The following ANKRD30B variants were observed in gnomAD, a reference collection of about 807,000 sequenced individuals.
The protein encoded by ANKRD30B is ankyrin repeat domain-containing protein 30B.
ANKRD30B carries 144 observed loss-of-function variants against 202.2 expected under a neutral mutation model. That is an observed-to-expected ratio of 0.71 (90% CI 0.62 to 0.82). ANKRD30B has a LOEUF of 0.82. Ranked by LOEUF, ANKRD30B falls within the 40% of genes least tolerant of loss-of-function variation. The probability of loss-of-function intolerance (pLI) is 0.00; values close to 1 mark genes in which losing one functional copy is unlikely to be tolerated. For synonymous variants in ANKRD30B, 508 were observed against 561.3 expected (o/e 0.91, Z 1.34); for missense variants, 1,487 against 1,669.1 (o/e 0.89, Z 1.90).
At chr18:14,910,698 T>C in the ANKRD30B span, among the ~76,000 whole-genome samples, 1 of 152,082 alleles carries the variant, frequency 6.6e-6, no homozygotes, top group Non-Finnish European at 1.5e-5. Flanking sequence ...TTGAGAAATC[T>C]CCATTCTCTT....
chr18:14,808,491 T>C (rs1969686060), intron 24 of ANKRD30B, 60 bp from the exon 25 acceptor site: 2 of 1,327,538 alleles, frequency 1.5e-6, no homozygotes, highest in Non-Finnish European at 2.2e-6. Context: ...ATTGTACGAA[T>C]GCTTGGTAGG....
intron 1 of ANKRD30B, among the ~76,000 whole-genome samples, chr18:14,749,801 A>G (rs1281119143): frequency 1.3e-5 from 2 of 151,936 alleles, no homozygotes; most frequent in Non-Finnish European, 2.9e-5. Flanking sequence ...TTAGAACTTG[A>G]TAATGATCAC....
At chr18:14,869,168 G>C in the ANKRD30B span, among the ~76,000 whole-genome samples, 1 of 152,204 alleles carries the variant, frequency 6.6e-6, no homozygotes, top group African/African-American at 2.4e-5. Flanking sequence ...GCTTACCTGG[G>C]CTGTGTTTTC....
chr18:14,840,195 G>T (rs1414988935), intron 36 of ANKRD30B, among the ~76,000 whole-genome samples: 1 of 152,086 alleles, frequency 6.6e-6, no homozygotes, highest in Non-Finnish European at 1.5e-5. Flanking sequence ...TTTTAAAAAA[G>T]ATTTTTAATA....
chr18:14,909,887 A>G, the ANKRD30B span: 1 of 152,130 alleles, frequency 6.6e-6, no homozygotes, highest in Non-Finnish European at 1.5e-5. Context: ...CAGGTCAAGC[A>G]GTACCTGAGA....
At chr18:14,859,838 C>T in the ANKRD30B span, among the ~76,000 whole-genome samples, 4 of 57,472 alleles carry the variant, frequency 7.0e-5, no homozygotes, top group African/African-American at 2.8e-4. Flanking sequence ...GCGCTCTTCA[C>T]TTCCCAGATG....
rs73959405 is a variant in ANKRD30B at position 14,776,497 on chromosome 18, A to G, written c.1330-1488A>G. ...TGAGGAGTAAGCCATATGAAAGTCT[A>G]GGAGGAAGACATTCTGAACAGAGAA... On this transcript the variant is annotated intron_variant, in intron 9 of 43. Coordinates refer to ENST00000690538, the MANE Select transcript of ANKRD30B (RefSeq NM_001367607.2). 1.5e-3 allele frequency among the ~76,000 whole-genome samples: 223 copies of G among 152,314 alleles called. 1 individual carries two copies. The highest frequency in any genetic ancestry group is 5.1e-3 in the African/African-American group (210 of 41,570).
intron 34 of ANKRD30B, among the ~76,000 whole-genome samples, chr18:14,833,033 T>G (rs1436520847): frequency 6.6e-6 from 1 of 150,508 alleles, no homozygotes; most frequent in Non-Finnish European, 1.5e-5. Flanking sequence ...GCCTTCTTGG[T>G]TCAAGTAATT....
intron 16 of ANKRD30B, among the ~76,000 whole-genome samples, chr18:14,791,748 G>A (rs1045170740): frequency 6.6e-6 from 1 of 152,058 alleles, no homozygotes; most frequent in Admixed American, 6.5e-5. Context: ...AATAAGAAAG[G>A]AGAAAGTAGT....
the ANKRD30B span, among the ~76,000 whole-genome samples, chr18:14,875,300 A>G: frequency 1.3e-5 from 2 of 152,176 alleles, no homozygotes; most frequent in Admixed American, 1.3e-4. Flanking sequence ...TGGCCATGTC[A>G]GGAGGATGAT....
At chr18:14,919,610 G>A in the ANKRD30B span, among the ~76,000 whole-genome samples, 2 of 152,172 alleles carry the variant, frequency 1.3e-5, no homozygotes, top group African/African-American at 2.4e-5. Flanking sequence ...TGGTCCCATG[G>A]GGAACTGAAG....
At chr18:14,884,866 T>C in the ANKRD30B span, among the ~76,000 whole-genome samples, 1 of 152,122 alleles carries the variant, frequency 6.6e-6, no homozygotes, top group African/African-American at 2.4e-5. Context: ...TGGGAGTATA[T>C]GTGTCCCTGA....
At chr18:14,781,732 G>A (rs1326510869) in intron 11 of ANKRD30B, among the ~76,000 whole-genome samples, 1 of 152,170 alleles carries the variant, frequency 6.6e-6, no homozygotes, top group African/African-American at 2.4e-5. Flanking sequence ...CAGTCCAGCT[G>A]AGAGTGTCCG....
chr18:14,937,421 G>A, the ANKRD30B span, among the ~76,000 whole-genome samples: 6 of 125,922 alleles, frequency 4.8e-5, no homozygotes, highest in Middle Eastern at 3.9e-3. Context: ...AGCAGGTGCC[G>A]CCGGTTTGTA....
At chr18:14,880,566 G>GT in the ANKRD30B span, among the ~76,000 whole-genome samples, 72,053 of 128,612 alleles carry the variant, frequency 0.56, 20,887 homozygotes, top group African/African-American at 0.64. Context: ...TTCTTTCTTG[G>GT]TTTTTTTTTT....
At chr18:14,810,811 T>A in intron 28 of ANKRD30B, among the ~76,000 whole-genome samples, 1 of 151,182 alleles carries the variant, frequency 6.6e-6, no homozygotes. Flanking sequence ...TTCCCATGCA[T>A]GTTTAAATCA....
chr18:14,858,822 C>T (rs1972139661), downstream of ANKRD30B, among the ~76,000 whole-genome samples: 2 of 111,504 alleles, frequency 1.8e-5, no homozygotes, highest in Admixed American at 1.7e-4. Flanking sequence ...CAGAGGTGCT[C>T]CTCATTTCCC....
At chr18:14,929,130 C>T in the ANKRD30B span, among the ~76,000 whole-genome samples, 172 of 152,352 alleles carry the variant, frequency 1.1e-3, 3 homozygotes, top group Non-Finnish European at 4.1e-4. Context: ...GCTTTCCACC[C>T]TGCGTGGCTC....
At chr18:14,887,375 A>C in the ANKRD30B span, among the ~76,000 whole-genome samples, 3 of 152,296 alleles carry the variant, frequency 2.0e-5, no homozygotes, top group South Asian at 6.2e-4. Context: ...TACTAAATTT[A>C]AATATACATA....
Sources: gnomAD v4.1 joint callset for allele counts (sites outside exome capture counted in the v4.1 genomes callset) on GRCh38, gnomAD v4.1.1 for gene constraint, MANE v1.5 for transcripts, NCBI Gene and HGNC (gene_info 2026-07-23, HGNC 2026-07-21) for gene names.